LIMCH1: variants seen among roughly 807,000 people sequenced by gnomAD.
LIMCH1 encodes LIM and calponin homology domains-containing protein 1.
In LIMCH1, 113 loss-of-function variants were observed where a neutral mutation model predicts 176.5. The observed-to-expected ratio is 0.64, with a 90% CI of 0.55 to 0.75. LIMCH1 has a LOEUF of 0.75. Among genes scored for constraint, LIMCH1 ranks in the 30% least tolerant of loss-of-function variants. The pLI is 0.00. For synonymous variants in LIMCH1, 619 were observed against 645.9 expected, an observed-to-expected ratio of 0.96 and a Z score of 0.63; for missense variants, 1,674 against 1,814.9, an observed-to-expected ratio of 0.92 and a Z score of 1.41.
intron 1 of LIMCH1, among the ~76,000 whole-genome samples, chr4:41,571,350 C>T (rs949737750): frequency 2.6e-5 from 4 of 151,884 alleles, no homozygotes; most frequent in African/African-American, 9.7e-5. Context: ...CTTTTGTCCT[C>T]GGAGCAGGGG....
At chr4:41,456,565 G>C (rs992829401) in intron 1 of LIMCH1, among the ~76,000 whole-genome samples, 1 of 151,926 alleles carries the variant, frequency 6.6e-6, no homozygotes, top group African/African-American at 2.4e-5. Flanking sequence ...AGGGAGGGAG[G>C]AGATGCTGCC....
intron 5 of LIMCH1, among the ~76,000 whole-genome samples, chr4:41,616,401 C>T (rs552338756): frequency 1.7e-4 from 26 of 152,018 alleles, no homozygotes; most frequent in Non-Finnish European, 3.1e-4. Context: ...TGGTGGCGGG[C>T]GCCTGTAATT....
chr4:41,535,046 C>T (rs185235455), upstream of LIMCH1, among the ~76,000 whole-genome samples: 502 of 151,360 alleles, frequency 3.3e-3, 1 homozygote, highest in Non-Finnish European at 5.1e-3. Flanking sequence ...CCTGTAGTCC[C>T]AGCTACTTAG....
chr4:41,553,115 T>C (rs1448508948), intron 1 of LIMCH1, among the ~76,000 whole-genome samples: 1 of 152,170 alleles, frequency 6.6e-6, no homozygotes, highest in Admixed American at 6.5e-5. Flanking sequence ...TGATGGCCAG[T>C]TGGTCTCTGC....
chr4:41,695,346 C>T (rs1465710646), intron 31 of LIMCH1, among the ~76,000 whole-genome samples: 1 of 149,912 alleles, frequency 6.7e-6, no homozygotes, highest in Non-Finnish European at 1.5e-5. Flanking sequence ...TTCTCCTTCA[C>T]ATGTAAATAT....
chr4:41,449,951 G>A (rs1281613626), intron 1 of LIMCH1, among the ~76,000 whole-genome samples: 2 of 152,190 alleles, frequency 1.3e-5, no homozygotes, highest in South Asian at 4.1e-4. Flanking sequence ...CCATATGCCT[G>A]CCTGTGTACC....
At chr4:41,404,226 A>G (rs1324088971) in intron 1 of LIMCH1, among the ~76,000 whole-genome samples, 1 of 152,054 alleles carries the variant, frequency 6.6e-6, no homozygotes, top group Non-Finnish European at 1.5e-5. Context: ...CCACCCTTAC[A>G]GTGGGGAGGG....
chr4:41,694,866 G>C (rs898710840), intron 31 of LIMCH1, among the ~76,000 whole-genome samples: 1 of 151,900 alleles, frequency 6.6e-6, no homozygotes, highest in Non-Finnish European at 1.5e-5. Flanking sequence ...ATGTATGAGA[G>C]ACCCCCTTTA....
At chr4:41,512,380 A>T (rs1437606534) in intron 2 of LIMCH1, among the ~76,000 whole-genome samples, 1 of 152,220 alleles carries the variant, frequency 6.6e-6, no homozygotes, top group Non-Finnish European at 1.5e-5. Flanking sequence ...TTACCATATG[A>T]CCCAGCTGTT....
intron 1 of LIMCH1, among the ~76,000 whole-genome samples, chr4:41,492,778 A>G (rs2071327705): frequency 6.6e-6 from 1 of 152,144 alleles, no homozygotes; most frequent in South Asian, 2.1e-4. Context: ...TTTGGCTTGC[A>G]TATTTTGAAG....
Position 41,629,553 on chromosome 4 carries a change from A to T in LIMCH1, c.1090A>T (p.Ser364Cys). The T allele has an allele frequency of 6.5e-7, 1 of 1,536,140 alleles. No homozygotes were observed. The highest frequency in any genetic ancestry group is 1.2e-5 in the South Asian group (1 of 84,060). The change falls in exon 9 of 32, where the codon AGT (serine) becomes TGT (cysteine). Residue 364 changes from serine to cysteine, a missense_variant. Around this residue, in one of 3 missense-constraint regions of LIMCH1, gnomAD observed 655 missense variants for 692.2 expected, o/e 0.95. Transcript: ENST00000503057. ...GACCTGTAACATGAGGGCTCAGGAA[A>T]GTGAACCTGTGGAAGGAGGACTCAG... ...IVTCNMRAQE[S>C]EPVEGGLRKV... is the part of the protein sequence containing the mutation.
At chr4:41,545,924 C>A (rs906428591) in intron 1 of LIMCH1, among the ~76,000 whole-genome samples, 1 of 151,970 alleles carries the variant, frequency 6.6e-6, no homozygotes. Context: ...CTTAAATTTG[C>A]CAATATGAAA....
chr4:41,483,437 G>A (rs1392387718), intron 1 of LIMCH1, among the ~76,000 whole-genome samples: 1 of 152,116 alleles, frequency 6.6e-6, no homozygotes, highest in Non-Finnish European at 1.5e-5. Context: ...CAAGCAAAAT[G>A]TCATTCTGGA....
chr4:41,476,727 C>A (rs999015061), intron 1 of LIMCH1, among the ~76,000 whole-genome samples: 1 of 152,194 alleles, frequency 6.6e-6, no homozygotes, highest in African/African-American at 2.4e-5. Flanking sequence ...CCCCTCCACC[C>A]TCCCTTAATG....
intron 2 of LIMCH1, among the ~76,000 whole-genome samples, chr4:41,500,230 C>T (rs1467151151): frequency 2.6e-5 from 4 of 152,226 alleles, no homozygotes; most frequent in African/African-American, 9.6e-5. Context: ...CCAGATCTTT[C>T]ATCCAATGGC....
At chr4:41,686,892 A>G (rs906568011) in intron 28 of LIMCH1, among the ~76,000 whole-genome samples, 1 of 152,234 alleles carries the variant, frequency 6.6e-6, no homozygotes, top group East Asian at 1.9e-4. Context: ...CTCAGAATCA[A>G]TAGAAGCTAA....
chr4:41,415,748 C>T (rs2059866558), intron 1 of LIMCH1, among the ~76,000 whole-genome samples: 1 of 152,054 alleles, frequency 6.6e-6, no homozygotes, highest in Admixed American at 6.6e-5. Flanking sequence ...GAGGTCAGGG[C>T]AGGCAGATCG....
intron 17 of LIMCH1, among the ~76,000 whole-genome samples, chr4:41,648,569 G>C (rs2094154979): frequency 6.6e-6 from 1 of 151,972 alleles, no homozygotes; most frequent in African/African-American, 2.4e-5. Context: ...TGAGTGCATG[G>C]ACAGCAACTT....
rs945066692 is a variant in LIMCH1 at position 41,633,385 on chromosome 4, T to C, written c.1830-163T>C. Reference sequence around the variant, plus strand: ...TGAGTATCAGCTGCATGACAGAGGGTCCCAGTACTCAAAAGGGAGATTTCC... The same window carrying C: ...TGAGTATCAGCTGCATGACAGAGGGCCCCAGTACTCAAAAGGGAGATTTCC... On this transcript the variant is annotated intron_variant, in intron 12 of 31. Coordinates refer to ENST00000503057, the MANE Select transcript of LIMCH1 (RefSeq NM_001330672.2). Among the ~76,000 whole-genome samples the C allele has an allele frequency of 8.5e-5, 13 of 152,088 alleles. No homozygotes were observed. The South Asian group carries it at 2.7e-3, about 32-fold the overall frequency.
Sources: gnomAD v4.1 joint callset for allele counts (sites outside exome capture counted in the v4.1 genomes callset) on GRCh38, gnomAD v4.1.1 for gene constraint, gnomAD v4.1.1 regional missense constraint, MANE v1.5 for transcripts, NCBI Gene and HGNC (gene_info 2026-07-23, HGNC 2026-07-21) for gene names.